The following PTPN11 variants were observed in gnomAD, a reference collection of about 807,000 sequenced individuals.
PTPN11 encodes the protein tyrosine-protein phosphatase non-receptor type 11.
Under a neutral mutation model 78.8 loss-of-function variants are expected in PTPN11, and 6 were observed. The observed-to-expected ratio is 0.08, with a 90% CI of 0.04 to 0.15. The LOEUF is 0.15. Among genes scored for constraint, PTPN11 ranks in the 10% least tolerant of loss-of-function variants. The pLI, the probability that PTPN11 is intolerant of heterozygous loss-of-function variation, is 1.00. For synonymous variants in PTPN11, 221 were observed against 263.5 expected (o/e 0.84, Z 1.56); for missense variants, 386 against 744.8 (o/e 0.52, Z 5.61).
intron 10 of PTPN11, among the ~76,000 whole-genome samples, chr12:112,483,931 TG>T (rs1345257772): frequency 4.6e-5 from 7 of 152,016 alleles, no homozygotes; most frequent in African/African-American, 1.7e-4. Context: ...AAGTTTGAGA[TG>T]CCTTGGACAC....
intron 6 of PTPN11, 106 bp from the exon 7 acceptor site, chr12:112,472,838 A>G (rs987912060): frequency 1.0e-6 from 1 of 952,874 alleles, no homozygotes; most frequent in African/African-American, 1.6e-5. Context: ...CACAATTCTG[A>G]ACATTTCCTA....
At chr12:112,477,614 C>A in intron 7 of PTPN11, 37 bp from the exon 8 acceptor site, 1 of 1,520,018 alleles carries the variant, frequency 6.6e-7, no homozygotes, top group South Asian at 1.1e-5. Context: ...CTGAAGCAGT[C>A]CAGGACTTAT....
At chr12:112,459,168 A>G (rs2038209427) in intron 6 of PTPN11, among the ~76,000 whole-genome samples, 1 of 152,158 alleles carries the variant, frequency 6.6e-6, no homozygotes, top group Non-Finnish European at 1.5e-5. Flanking sequence ...CATTACTTTC[A>G]CTTCATTTCA....
chr12:112,473,174 TCC>T, intron 7 of PTPN11, 134 bp downstream of exon 7: 1 of 733,500 alleles, frequency 1.4e-6, no homozygotes, highest in Non-Finnish European at 2.4e-6. Context: ...GCAAGCAGTT[TCC>T]AAAATAATCA....
intron 1 of PTPN11, 134 bp downstream of exon 1, chr12:112,419,259 C>T (rs1363007283): frequency 1.1e-6 from 1 of 873,698 alleles, no homozygotes; most frequent in Non-Finnish European, 1.5e-6. Context: ...CCGGTTCCCT[C>T]CTCGTCCCCT....
At chr12:112,487,815 A>G (rs958615679) in intron 11 of PTPN11, among the ~76,000 whole-genome samples, 14 of 151,816 alleles carry the variant, frequency 9.2e-5, no homozygotes, top group African/African-American at 3.4e-4. Context: ...ACAGAGTCTC[A>G]CTCTGTCACC....
chr12:112,481,923 C>T (rs952601486), intron 9 of PTPN11, 151 bp from the exon 10 acceptor site: 9 of 810,164 alleles, frequency 1.1e-5, no homozygotes, highest in Non-Finnish European at 1.8e-5. Flanking sequence ...TTGAACTCTT[C>T]TGTCCTTTTC....
chr12:112,502,247 C>A lies in PTPN11; in HGVS notation c.1703C>A (p.Pro568His). ...SPLPPCTPTP[P>H]CAEMREDSAR... Reference sequence around the variant, plus strand: ...CTCCCGCCTTGTACTCCAACGCCACCCTGTGCAGAGTAAGTAGTGCTGAAG... The same window carrying A: ...CTCCCGCCTTGTACTCCAACGCCACACTGTGCAGAGTAAGTAGTGCTGAAG... The change falls in exon 14 of 16, where the codon CCC becomes CAC. Residue 568 changes from proline (P) to histidine (H), a missense_variant. Pro to His is a moderately conservative substitution (Grantham distance 77). Transcript: ENST00000351677. 6.2e-7 allele frequency: 1 copy of A among 1,612,178 alleles called. No individual in the cohort carries two copies.
At chr12:112,497,136 C>T (rs866913774) in intron 13 of PTPN11, among the ~76,000 whole-genome samples, 1 of 146,742 alleles carries the variant, frequency 6.8e-6, no homozygotes, top group African/African-American at 2.6e-5. Flanking sequence ...TGAGCCACTG[C>T]ACTCCAGTCT....
intron 1 of PTPN11, 40 bp from the exon 2 acceptor site, chr12:112,446,236 G>A (rs1157647397): frequency 1.2e-6 from 2 of 1,611,998 alleles, no homozygotes; most frequent in Non-Finnish European, 1.7e-6. Context: ...TGCTGACAGT[G>A]TCTTGTTTTT....
chr12:112,437,644 T>A (rs1420529304), intron 1 of PTPN11, among the ~76,000 whole-genome samples: 1 of 152,178 alleles, frequency 6.6e-6, no homozygotes, highest in African/African-American at 2.4e-5. Context: ...GTATCAGTGT[T>A]ATATTTAGTT....
intron 1 of PTPN11, among the ~76,000 whole-genome samples, chr12:112,420,992 G>T (rs2037515551): frequency 6.6e-6 from 1 of 152,168 alleles, no homozygotes; most frequent in South Asian, 2.1e-4. Flanking sequence ...CGGGGCTGGG[G>T]GTTGGGAAAA....
chr12:112,437,082 A>G (rs1166449015), intron 1 of PTPN11, among the ~76,000 whole-genome samples: 1 of 152,012 alleles, frequency 6.6e-6, no homozygotes, highest in East Asian at 1.9e-4. Flanking sequence ...CCTTATTCTA[A>G]GGTTAACAAG....
intron 7 of PTPN11, among the ~76,000 whole-genome samples, chr12:112,474,864 C>CA (rs1163162429): frequency 6.6e-6 from 1 of 152,040 alleles, no homozygotes; most frequent in African/African-American, 2.4e-5. Flanking sequence ...TTCCTGGGCT[C>CA]AAACGATCTG....
chr12:112,504,937 A>G lies in PTPN11; in HGVS notation c.*32+141A>G. 4.8e-6 allele frequency: 3 copies of G among 625,050 alleles called. No homozygotes were observed. 38.7% of individuals were successfully genotyped at this position (625,050 alleles called of 1,614,324 possible). On this transcript the variant is annotated intron_variant, in intron 15 of 15. Transcript: ENST00000351677. The surrounding 1 kb of genome is among the most constrained non-coding windows in gnomAD (Gnocchi z 4.7). Reference sequence around the variant, plus strand: ...CCAGGCTCCTTTTTCCTCTCCCTGTACTTCTTTTTCCAAGATGGTTTTAGT... The same window carrying G: ...CCAGGCTCCTTTTTCCTCTCCCTGTGCTTCTTTTTCCAAGATGGTTTTAGT...
chr12:112,443,393 A>G (rs964103393), intron 1 of PTPN11, among the ~76,000 whole-genome samples: 1 of 135,182 alleles, frequency 7.4e-6, no homozygotes, highest in Non-Finnish European at 1.6e-5. Context: ...AATTTTGCTT[A>G]TGTTGCCCAG....
At chr12:112,483,662 A>G (rs1269918489) in intron 10 of PTPN11, among the ~76,000 whole-genome samples, 1 of 152,196 alleles carries the variant, frequency 6.6e-6, no homozygotes, top group Non-Finnish European at 1.5e-5. Context: ...TCTAGGGATT[A>G]GGACCAATTT....
chr12:112,426,178 C>A (rs1280011483), intron 1 of PTPN11, among the ~76,000 whole-genome samples: 1 of 152,220 alleles, frequency 6.6e-6, no homozygotes, highest in Non-Finnish European at 1.5e-5. Flanking sequence ...AAGTCCCTAG[C>A]CTCAAAGAGT....
chr12:112,455,571 T>C (rs1226941030), intron 5 of PTPN11, among the ~76,000 whole-genome samples: 1 of 152,188 alleles, frequency 6.6e-6, no homozygotes. Context: ...GTTTTCATTA[T>C]AGATCCACTT....
Sources: gnomAD v4.1 joint callset for allele counts (sites outside exome capture counted in the v4.1 genomes callset) on GRCh38, gnomAD v4.1.1 for gene constraint, Gnocchi (gnomAD v3.1) non-coding constraint, MANE v1.5 for transcripts, NCBI Gene and HGNC (gene_info 2026-07-23, HGNC 2026-07-21) for gene names.